Variants in TBC1D17 observed in about 807,000 individuals in gnomAD.
TBC1D17 encodes TBC1 domain family, member 17.
TBC1D17 carries 69 observed loss-of-function variants against 78.8 expected under a neutral mutation model. That is an observed-to-expected ratio of 0.88 (90% CI 0.72 to 1.07). The LOEUF is 1.07. Among genes scored for constraint, TBC1D17 ranks in the 50% least tolerant of loss-of-function variants. The pLI, the probability that TBC1D17 is intolerant of heterozygous loss-of-function variation, is 0.00. For missense variants in TBC1D17, 957 were observed against 861.0 expected, an observed-to-expected ratio of 1.11 and a Z score of -1.39; for synonymous variants, 456 against 358.3, an observed-to-expected ratio of 1.27 and a Z score of -3.08.
At chr19:49,877,830 C>G in intron 1 of TBC1D17, 86 bp downstream of exon 1, 1 of 1,464,366 alleles carries the variant, frequency 6.8e-7, no homozygotes, top group Non-Finnish European at 9.3e-7. Flanking sequence ...CCTTGGCTCT[C>G]GAGAATCCGG....
chr19:49,883,875 G>C (rs2075037002), intron 10 of TBC1D17, 130 bp downstream of exon 10: 17 of 780,754 alleles, frequency 2.2e-5, no homozygotes, highest in Non-Finnish European at 3.6e-5. Flanking sequence ...CATCTTGGGG[G>C]AAAGCTGCAT....
In TBC1D17 at chr19:49,884,653, C is replaced by A; in HGVS notation, c.1345-6C>A. On this transcript the variant is annotated splice_polypyrimidine_tract_variant and splice_region_variant and intron_variant, in intron 12 of 16. Coordinates refer to ENST00000221543, the MANE Select transcript of TBC1D17 (RefSeq NM_024682.3). ...CTGCTCTTTCCCCCCTCCTTCCGTCCCACAGCAAGGGAACTTTGAAGAGAG... is the reference window on the plus strand; with the variant it reads ...CTGCTCTTTCCCCCCTCCTTCCGTCACACAGCAAGGGAACTTTGAAGAGAG... The A allele has an allele frequency of 6.2e-7, 1 of 1,614,134 alleles. No homozygotes were observed. The highest frequency in any genetic ancestry group is 8.5e-7 in the Non-Finnish European group (1 of 1,180,002).
chr19:49,881,041 G>A (rs939806001), intron 4 of TBC1D17, among the ~76,000 whole-genome samples: 17 of 152,186 alleles, frequency 1.1e-4, no homozygotes, highest in African/African-American at 3.9e-4. Context: ...CCCTTACCCT[G>A]CAGGTCGAGG....
chr19:49,888,370 C>T, intron 16 of TBC1D17, 53 bp downstream of exon 16: 3 of 1,552,908 alleles, frequency 1.9e-6, no homozygotes, highest in South Asian at 1.2e-5. Flanking sequence ...CCGACCCCCG[C>T]CCCCTTCTCA....
chr19:49,878,494 C>G lies in TBC1D17; in HGVS notation c.121-4C>G. On this transcript the variant is annotated splice_region_variant and splice_polypyrimidine_tract_variant and intron_variant, in intron 2 of 16. Transcript: ENST00000221543. ...CTCTAACCCCGCCTCCCTCCTTACC[C>G]TAGGACAATGACGTCCTCCTGCACT... 6 of 1,613,768 alleles carry G rather than the reference C, an allele frequency of 3.7e-6. No homozygotes were observed. The highest frequency in any genetic ancestry group is 5.1e-6 in the Non-Finnish European group (6 of 1,179,642).
intron 3 of TBC1D17, among the ~76,000 whole-genome samples, chr19:49,879,842 CTTTT>C (rs1212438969): frequency 5.0e-5 from 4 of 79,390 alleles, no homozygotes; most frequent in Non-Finnish European, 6.7e-5. Context: ...GCTGTACTTT[CTTTT>C]TTCTTTTTTT....
intron 1 of TBC1D17, 75 bp from the exon 2 acceptor site, chr19:49,878,067 TG>T: frequency 7.9e-7 from 1 of 1,261,976 alleles, no homozygotes; most frequent in Non-Finnish European, 1.1e-6. Flanking sequence ...GGCTCCTCCC[TG>T]GGCCCGTCCC....
chr19:49,880,483 G>C, intron 4 of TBC1D17, 81 bp downstream of exon 4: 4 of 1,531,446 alleles, frequency 2.6e-6, no homozygotes, highest in Non-Finnish European at 3.5e-6. Context: ...CGGTCCCAAG[G>C]GCTTTGCTGC....
intron 1 of TBC1D17, 181 bp downstream of exon 1, chr19:49,877,925 G>GC (rs1043403315): frequency 4.7e-5 from 31 of 663,126 alleles, no homozygotes; most frequent in African/African-American, 7.9e-5. Flanking sequence ...CCATGGCCCC[G>GC]CCCCCCCGGC....
At position 49,888,615 on chromosome 19, in the gene TBC1D17, C is replaced by T. The variant is rs912413836; in HGVS notation, c.1938C>T (p.Ala646=). Residue 646 remains alanine, a synonymous_variant, in exon 17 of 17, where the codon GCC becomes GCT. Transcript: ENST00000221543. ...TGCCCGAGGAGGAGGACGAGGGCGCCGACTCCTAACCCCGCCAGGCAGCCT... is the reference window on the plus strand; with the variant it reads ...TGCCCGAGGAGGAGGACGAGGGCGCTGACTCCTAACCCCGCCAGGCAGCCT... ...EILPEEEDEG[A]DS The T allele has an allele frequency of 6.5e-7, 1 of 1,535,256 alleles. No homozygotes were observed. The highest frequency in any genetic ancestry group is 8.7e-7 in the Non-Finnish European group (1 of 1,145,586).
At position 49,882,890 on chromosome 19, in the gene TBC1D17, G is replaced by A. The variant is rs780254431; in HGVS notation, c.925G>A (p.Gly309Arg). ...VPELKNRIFS[G>R]GLSPSLRREA... ...TGAGCTGAAGAACCGGATCTTCTCG[G>A]GGGTGAGTGCCAGGACAGGTGGAAG... The change falls in exon 8 of 17, where the codon GGG (glycine) becomes AGG (arginine). Residue 309 changes from glycine (G) to arginine (R), a missense_variant and splice_region_variant. Physicochemically the swap from Gly to Arg is moderately radical, Grantham distance 125. Coordinates refer to ENST00000221543, the MANE Select transcript of TBC1D17 (RefSeq NM_024682.3). The A allele has an allele frequency of 6.2e-7, 1 of 1,606,382 alleles. No homozygotes were observed. Among genetic ancestry groups the A allele is most frequent in the Non-Finnish European group, 8.5e-7 (1 of 1,176,840 alleles).
chr19:49,878,823 C>T (rs1251407391), intron 3 of TBC1D17: 3 of 489,290 alleles, frequency 6.1e-6, no homozygotes, highest in Non-Finnish European at 7.3e-6. Context: ...TCTCCCTTTG[C>T]TTCTTGGGAG....
chr19:49,888,388 C>A (rs1423177981), intron 16 of TBC1D17, 36 bp from the exon 17 acceptor site: 1 of 1,575,624 alleles, frequency 6.3e-7, no homozygotes, highest in Non-Finnish European at 8.6e-7. Context: ...TCACCTTCAC[C>A]TTCCGCTTTT....
At chr19:49,884,803 C>A in intron 13 of TBC1D17, 45 bp downstream of exon 13, 1 of 1,562,356 alleles carries the variant, frequency 6.4e-7, no homozygotes, top group Non-Finnish European at 8.8e-7. Flanking sequence ...GGGCCATAGA[C>A]CTTGCCAGAT....
At position 49,883,081 on chromosome 19, in the gene TBC1D17, G is replaced by C; in HGVS notation, c.1031+5G>C. 1 of 1,601,332 alleles carries C rather than the reference G, an allele frequency of 6.2e-7. No individual in the cohort carries two copies. Among genetic ancestry groups the C allele is most frequent in the Admixed American group, 1.7e-5 (1 of 58,694 alleles). ...GGCCCACATACGCAAGAAAACGTGAGTTCTCAGGAGGCCCTGCCCTGCCAG... is the reference window on the plus strand; with the variant it reads ...GGCCCACATACGCAAGAAAACGTGACTTCTCAGGAGGCCCTGCCCTGCCAG... On this transcript the variant is annotated splice_donor_5th_base_variant and intron_variant, in intron 9 of 16. Transcript: ENST00000221543.
At position 49,880,269 on chromosome 19, in the gene TBC1D17, C is replaced by G. The variant is rs139644602; in HGVS notation, c.196-10C>G. 4 of 1,613,736 alleles carry G rather than the reference C, an allele frequency of 2.5e-6. No individual in the cohort carries two copies. In the Admixed American group the frequency reaches 6.7e-5, roughly 27 times the overall value. ...TGGCCCCTTACTGTCTGCTCCTTTCCTCTCCTAAGGACTCCAGTGGGGGTG... is the reference window on the plus strand; with the variant it reads ...TGGCCCCTTACTGTCTGCTCCTTTCGTCTCCTAAGGACTCCAGTGGGGGTG... On this transcript the variant is annotated splice_polypyrimidine_tract_variant and intron_variant, in intron 3 of 16. Transcript: ENST00000221543.
At chr19:49,878,676 G>GTCACACATGCCCCACGA in intron 3 of TBC1D17, 104 bp downstream of exon 3, 2 of 1,116,582 alleles carry the variant, frequency 1.8e-6, no homozygotes, top group Non-Finnish European at 2.7e-6. Flanking sequence ...CTACTCGTGG[G>GTCACACATGCCCCACGA]GCATGTGTGA....
chr19:49,887,628 G>A, intron 14 of TBC1D17, 55 bp downstream of exon 14: 1 of 1,610,032 alleles, frequency 6.2e-7, no homozygotes, highest in African/African-American at 1.3e-5. Flanking sequence ...CCTGCCCTGG[G>A]AGGTTGGGCG....
In TBC1D17 at chr19:49,878,125, T is replaced by C; in HGVS notation, c.22-18T>C. 4 of 1,563,682 alleles carry C rather than the reference T, an allele frequency of 2.6e-6. No individual in the cohort carries two copies. The highest frequency in any genetic ancestry group is 3.5e-6 in the Non-Finnish European group (4 of 1,154,134). On this transcript the variant is annotated intron_variant, in intron 1 of 16. Transcript: ENST00000221543. ...CCCTCGCTTGGGCCCCAGCCCTCGC[T>C]GGTTCCCCCCAACTCAGGTGGTGTT... is the stretch of plus-strand genomic sequence containing the variant.
Sources: gnomAD v4.1 joint callset for allele counts (sites outside exome capture counted in the v4.1 genomes callset) on GRCh38, gnomAD v4.1.1 for gene constraint, MANE v1.5 for transcripts, NCBI Gene and HGNC (gene_info 2026-07-23, HGNC 2026-07-21) for gene names.